TMBIM1: variants seen among roughly 807,000 people sequenced by gnomAD.
The protein encoded by TMBIM1 is protein lifeguard 3.
TMBIM1 carries 34 observed loss-of-function variants against 45.1 expected under a neutral mutation model. That is an observed-to-expected ratio of 0.75 (90% CI 0.57 to 1.00). TMBIM1 has a LOEUF of 1.00. Ranked by LOEUF, TMBIM1 falls within the 50% of genes least tolerant of loss-of-function variation. The pLI is 0.00. For missense variants in TMBIM1, 374 were observed against 402.4 expected (o/e 0.93, Z 0.60); for synonymous variants, 157 against 153.5 (o/e 1.02, Z -0.17).
Position 218,276,083 on chromosome 2 carries a change from G to C in TMBIM1, c.736-4C>G, listed in dbSNP as rs1691176043. On this transcript the variant is annotated splice_region_variant and splice_polypyrimidine_tract_variant and intron_variant, in intron 10 of 11. Transcript: ENST00000258412. ...AGAGCATGTGGAGCCAGTAAACCTG[G>C]AGAAGAAGGGGACAGAGAATGGCAT... is the stretch of plus-strand genomic sequence containing the variant. The C allele has an allele frequency of 6.2e-7, 1 of 1,612,750 alleles. No homozygotes were observed. Among genetic ancestry groups the C allele is most frequent in the African/African-American group, 1.3e-5 (1 of 75,038 alleles).
intron 1 of TMBIM1, among the ~76,000 whole-genome samples, chr2:218,288,166 C>T (rs7577185): frequency 0.11 from 16,100 of 152,242 alleles, 1,830 homozygotes; most frequent in African/African-American, 0.29. Context: ...TGGCGGCTCA[C>T]GCCTGTAATC....
At chr2:218,278,707 C>T in intron 5 of TMBIM1, 142 bp from the exon 6 acceptor site, 1 of 916,934 alleles carries the variant, frequency 1.1e-6, no homozygotes, top group Non-Finnish European at 1.7e-6. Context: ...AACGAGATTA[C>T]CCCCAGCCAG....
intron 3 of TMBIM1, chr2:218,279,564 C>T (rs1265827942): frequency 7.5e-6 from 4 of 531,282 alleles, no homozygotes; most frequent in South Asian, 2.6e-5. Context: ...CCCTCCTGTC[C>T]AACACCAGCC....
intron 2 of TMBIM1, among the ~76,000 whole-genome samples, chr2:218,281,500 A>G (rs574425118): frequency 6.6e-6 from 1 of 152,306 alleles, no homozygotes; most frequent in African/African-American, 2.4e-5. Context: ...CTTGGCTCCA[A>G]ATGTCTTTTG....
chr2:218,279,964 C>G, intron 3 of TMBIM1, 62 bp downstream of exon 3: 2 of 1,258,160 alleles, frequency 1.6e-6, no homozygotes, highest in Non-Finnish European at 2.3e-6. Context: ...GTGGCCTACC[C>G]ACTTCCCATT....
chr2:218,277,345 A>G (rs376253889), intron 9 of TMBIM1, 21 bp downstream of exon 9: 2 of 1,605,444 alleles, frequency 1.2e-6, no homozygotes, highest in Non-Finnish European at 1.7e-6. Context: ...GGGGCCAGGG[A>G]AGGGCCCTCC....
intron 1 of TMBIM1, among the ~76,000 whole-genome samples, chr2:218,287,632 C>T (rs1297186137): frequency 6.6e-6 from 1 of 152,108 alleles, no homozygotes; most frequent in East Asian, 1.9e-4. Flanking sequence ...ATCGCTCGAA[C>T]CCGAGAGGCA....
At chr2:218,277,268 G>C (rs1559500767) in intron 9 of TMBIM1, 98 bp downstream of exon 9, 2 of 1,236,076 alleles carry the variant, frequency 1.6e-6, no homozygotes, top group Non-Finnish European at 1.2e-6. Flanking sequence ...TGAGGAGAAG[G>C]GGATCAGGTC....
intron 2 of TMBIM1, chr2:218,280,340 C>G: frequency 2.0e-6 from 1 of 508,092 alleles, no homozygotes; most frequent in South Asian, 2.0e-5. Flanking sequence ...ACGTTCCTCA[C>G]GTGCATCTGT....
At chr2:218,279,997 G>C in intron 3 of TMBIM1, 29 bp downstream of exon 3, 1 of 1,598,520 alleles carries the variant, frequency 6.3e-7, no homozygotes, top group Non-Finnish European at 8.6e-7. Context: ...GGGGCCCCAG[G>C]TACACCCACC....
At chr2:218,288,252 C>T (rs943741887) in intron 1 of TMBIM1, among the ~76,000 whole-genome samples, 1 of 152,168 alleles carries the variant, frequency 6.6e-6, no homozygotes, top group African/African-American at 2.4e-5. Context: ...CATGGTGAAA[C>T]CCCATCTCTA....
intron 1 of TMBIM1, chr2:218,287,415 A>T (rs75714628): frequency 0.035 from 5,417 of 152,636 alleles, 100 homozygotes; most frequent in African/African-American, 0.048. Flanking sequence ...CAGCTCAGAA[A>T]CAGTTAAGAC....
intron 10 of TMBIM1, 74 bp downstream of exon 10, chr2:218,276,930 T>G: frequency 7.6e-7 from 1 of 1,309,598 alleles, no homozygotes; most frequent in Non-Finnish European, 1.1e-6. Flanking sequence ...CTTTGGGGCC[T>G]GCGAGACCAT....
chr2:218,275,449 A>G lies in TMBIM1; in HGVS notation c.*26T>C, dbSNP rs1477511495. 1 of 1,604,090 alleles carries G rather than the reference A, an allele frequency of 6.2e-7. No individual in the cohort carries two copies. The highest frequency in any genetic ancestry group is 8.5e-7 in the Non-Finnish European group (1 of 1,174,584). On this transcript the variant is annotated 3_prime_UTR_variant, in exon 12 of 12. Coordinates refer to ENST00000258412, the MANE Select transcript of TMBIM1 (RefSeq NM_022152.6). ...TCTAGCTTGGAAGGGAGAGCCCAGG[A>G]TCGGGTGAAAATGGGGGCTTGCTCC...
chr2:218,277,486 A>G (rs1302862745), intron 8 of TMBIM1, 33 bp from the exon 9 acceptor site: 1 of 1,612,138 alleles, frequency 6.2e-7, no homozygotes, highest in Admixed American at 1.7e-5. Flanking sequence ...GACAAGAGGC[A>G]TTAAGCCACG....
intron 1 of TMBIM1, among the ~76,000 whole-genome samples, chr2:218,291,508 AC>A (rs1692925894): frequency 6.6e-6 from 1 of 152,072 alleles, no homozygotes; most frequent in East Asian, 1.9e-4. Context: ...TCTGGCTCTG[AC>A]CTGCGTTCCC....
At chr2:218,280,537 T>C (rs373450700) in intron 2 of TMBIM1, 8 of 251,452 alleles carry the variant, frequency 3.2e-5, no homozygotes, top group East Asian at 2.3e-4. Flanking sequence ...GCAGCAGGGA[T>C]AGAGGTGAAG....
chr2:218,278,390 ATCC>A (rs1470246660), intron 6 of TMBIM1, 122 bp downstream of exon 6: 29 of 1,005,828 alleles, frequency 2.9e-5, no homozygotes, highest in Non-Finnish European at 4.2e-5. Flanking sequence ...TGTCATCGTC[ATCC>A]TCCTCCTCAT....
Position 218,277,073 on chromosome 2 carries a change from G to A in TMBIM1, c.666C>T (p.Leu222=), listed in dbSNP as rs1323148593. 27 of 1,614,198 alleles carry A rather than the reference G, an allele frequency of 1.7e-5. No homozygotes were observed. The highest frequency in any genetic ancestry group is 2.3e-5 in the Non-Finnish European group (27 of 1,180,026). The change falls in exon 10 of 12, where the codon CTC becomes CTT. Residue 222 remains leucine (L), a synonymous_variant. Transcript: ENST00000258412. ...GGAGCACAATTCCCAGGACACAGAA[G>A]AGGCCTGTGCACGAGGTGAAGTCCA... is the stretch of plus-strand genomic sequence containing the variant. ...TKVDFTSCTG[L]FCVLGIVLLV...
Sources: gnomAD v4.1 joint callset for allele counts (sites outside exome capture counted in the v4.1 genomes callset) on GRCh38, gnomAD v4.1.1 for gene constraint, MANE v1.5 for transcripts, NCBI Gene and HGNC (gene_info 2026-07-23, HGNC 2026-07-21) for gene names.